MAGI2: variants seen among roughly 807,000 people sequenced by gnomAD.
MAGI2 encodes membrane associated guanylate kinase, WW and PDZ domain containing 2.
MAGI2 carries 35 observed loss-of-function variants against 133.3 expected under a neutral mutation model. That is an observed-to-expected ratio of 0.26 (90% CI 0.20 to 0.35). MAGI2 has a LOEUF of 0.35. Among genes scored for constraint, MAGI2 ranks in the 10% least tolerant of loss-of-function variants. MAGI2 has a pLI of 1.00. For missense variants in MAGI2, 1,636 were observed against 1,863.4 expected, an observed-to-expected ratio of 0.88 and a Z score of 2.25; for synonymous variants, 729 against 710.6, an observed-to-expected ratio of 1.03 and a Z score of -0.41.
chr7:78,543,811 T>C (rs1245003620), intron 3 of MAGI2, among the ~76,000 whole-genome samples: 1 of 152,176 alleles, frequency 6.6e-6, no homozygotes, highest in African/African-American at 2.4e-5. Flanking sequence ...AAAAGGTGAG[T>C]GCTGATACAG....
intron 3 of MAGI2, among the ~76,000 whole-genome samples, chr7:78,555,672 C>T (rs1414071888): frequency 6.6e-6 from 1 of 152,106 alleles, no homozygotes; most frequent in Non-Finnish European, 1.5e-5. Flanking sequence ...AACCACAACA[C>T]ATCATTATTT....
intron 21 of MAGI2, among the ~76,000 whole-genome samples, chr7:78,033,250 G>A (rs907199362): frequency 6.6e-5 from 10 of 152,014 alleles, no homozygotes; most frequent in African/African-American, 1.9e-4. Context: ...AGGAGGACCC[G>A]GAGTTTTGTA....
At chr7:78,499,657 T>C (rs200971261) in intron 5 of MAGI2, among the ~76,000 whole-genome samples, 1 of 151,658 alleles carries the variant, frequency 6.6e-6, no homozygotes, top group African/African-American at 2.4e-5. Context: ...ACAAAAAAGG[T>C]TTTTATTATT....
chr7:78,199,356 G>T (rs73703729), intron 11 of MAGI2, among the ~76,000 whole-genome samples: 1 of 152,196 alleles, frequency 6.6e-6, no homozygotes, highest in Non-Finnish European at 1.5e-5. Flanking sequence ...TGAATGGAGG[G>T]TCTGCTTCCT....
chr7:78,726,350 A>G (rs1316936847), intron 2 of MAGI2, among the ~76,000 whole-genome samples: 1 of 152,224 alleles, frequency 6.6e-6, no homozygotes, highest in Non-Finnish European at 1.5e-5. Context: ...TTATCAAGTC[A>G]TTATATCTAA....
chr7:78,608,723 T>C (rs1403950311), intron 3 of MAGI2, among the ~76,000 whole-genome samples: 1 of 152,144 alleles, frequency 6.6e-6, no homozygotes, highest in Non-Finnish European at 1.5e-5. Context: ...CTTTAATTTA[T>C]GCAAAGAGAA....
At chr7:79,052,967 C>T (rs1812810798) in intron 1 of MAGI2, among the ~76,000 whole-genome samples, 1 of 152,042 alleles carries the variant, frequency 6.6e-6, no homozygotes, top group Non-Finnish European at 1.5e-5. Context: ...GGCCTCAAAT[C>T]CTCTTTCCAT....
intron 1 of MAGI2, among the ~76,000 whole-genome samples, chr7:79,010,637 A>C (rs948121944): frequency 6.6e-6 from 1 of 152,082 alleles, no homozygotes; most frequent in East Asian, 1.9e-4. Context: ...TGCACACATC[A>C]ATCGTTTTGT....
At chr7:78,083,383 GGGGGGAGAGAGAGA>G (rs1816218374) in intron 20 of MAGI2, among the ~76,000 whole-genome samples, 7 of 76,418 alleles carry the variant, frequency 9.2e-5, no homozygotes, top group African/African-American at 4.0e-4. Flanking sequence ...AGGGAGGGAG[GGGGGGAGAGAGAGA>G]GAGAGAGAGA....
intron 2 of MAGI2, among the ~76,000 whole-genome samples, chr7:78,702,846 C>T (rs1452609473): frequency 6.6e-6 from 1 of 151,876 alleles, no homozygotes; most frequent in African/African-American, 2.4e-5. Flanking sequence ...TATTTGTGAA[C>T]AATTGGGTGG....
chr7:79,058,535 C>T (rs1485623362), intron 1 of MAGI2, among the ~76,000 whole-genome samples: 1 of 152,066 alleles, frequency 6.6e-6, no homozygotes, highest in Non-Finnish European at 1.5e-5. Context: ...CCCTCATGCC[C>T]ACACGTAGTT....
Position 78,489,695 on chromosome 7 carries a change from T to C in MAGI2, c.1045+66A>G, listed in dbSNP as rs1020935237. On this transcript the variant is annotated intron_variant, in intron 6 of 21. Transcript: ENST00000354212. ...ATTATTGCCTCTTCAGGTGAGACTCTCATTTAAGAAACACAAACATTCTCA... is the reference window on the plus strand; with the variant it reads ...ATTATTGCCTCTTCAGGTGAGACTCCCATTTAAGAAACACAAACATTCTCA... The C allele has an allele frequency of 1.3e-5, 16 of 1,203,136 alleles. No individual in the cohort carries two copies. In the African/African-American group the frequency reaches 2.3e-4, roughly 17 times the overall value. The allele number at this position is 1,203,136 out of a possible 1,614,324, so 74.5% of individuals were successfully genotyped here.
intron 2 of MAGI2, among the ~76,000 whole-genome samples, chr7:78,739,963 C>G (rs1822241867): frequency 6.6e-6 from 1 of 152,076 alleles, no homozygotes; most frequent in Admixed American, 6.5e-5. Flanking sequence ...TCAAGACCAT[C>G]CTGGCTAACA....
intron 2 of MAGI2, among the ~76,000 whole-genome samples, chr7:78,701,870 T>G (rs762705052): frequency 1.3e-5 from 2 of 151,970 alleles, no homozygotes; most frequent in Non-Finnish European, 2.9e-5. Context: ...CTGCAACCTT[T>G]GAGGAGAACT....
At chr7:78,836,558 CAT>C (rs1417636865) in intron 2 of MAGI2, among the ~76,000 whole-genome samples, 8 of 152,242 alleles carry the variant, frequency 5.3e-5, no homozygotes, top group Admixed American at 4.6e-4. Flanking sequence ...TTTACATAAT[CAT>C]AAAGCTATTT....
chr7:78,474,965 G>A (rs528979579), intron 6 of MAGI2, among the ~76,000 whole-genome samples: 34 of 151,814 alleles, frequency 2.2e-4, no homozygotes, highest in African/African-American at 8.2e-4. Context: ...AAAAAACCCT[G>A]GAAGTCCACA....
intron 2 of MAGI2, among the ~76,000 whole-genome samples, chr7:78,675,471 A>G (rs1245779314): frequency 6.6e-6 from 1 of 152,122 alleles, no homozygotes; most frequent in Non-Finnish European, 1.5e-5. Flanking sequence ...TGCGGAATTT[A>G]AAAGCATCAA....
chr7:79,345,297 C>T (rs1239775714), intron 1 of MAGI2, among the ~76,000 whole-genome samples: 2 of 152,004 alleles, frequency 1.3e-5, no homozygotes, highest in South Asian at 2.1e-4. Context: ...GTTGATGCTC[C>T]CATAAAGCTA....
At chr7:78,592,188 C>A (rs1476594526) in intron 3 of MAGI2, among the ~76,000 whole-genome samples, 2 of 152,168 alleles carry the variant, frequency 1.3e-5, no homozygotes, top group African/African-American at 4.8e-5. Flanking sequence ...AAAAGCACAT[C>A]TTCAAATGGA....
Sources: allele counts gnomAD v4.1 joint callset (sites outside exome capture counted in the v4.1 genomes callset), GRCh38; gene constraint gnomAD v4.1.1; transcripts MANE v1.5; gene names NCBI Gene and HGNC (gene_info 2026-07-23, HGNC 2026-07-21).